VWA1: variants seen among roughly 807,000 people sequenced by gnomAD.
The protein encoded by VWA1 is von Willebrand factor A domain containing 1.
Under a neutral mutation model 14.9 loss-of-function variants are expected in VWA1, and 12 were observed. That is an observed-to-expected ratio of 0.80 (90% CI 0.52 to 1.30). The LOEUF (loss-of-function observed/expected upper bound fraction) is 1.30. Among genes scored for constraint, VWA1 ranks in the 50% most tolerant of loss-of-function variants. The probability of loss-of-function intolerance (pLI) is 0.00; values close to 1 mark genes in which losing one functional copy is unlikely to be tolerated. For synonymous variants in VWA1, 368 were observed against 310.7 expected, an observed-to-expected ratio of 1.18 and a Z score of -1.94; for missense variants, 800 against 649.1, an observed-to-expected ratio of 1.23 and a Z score of -2.53.
Position 1,437,361 on chromosome 1 carries a change from A to G in VWA1, c.508A>G (p.Thr170Ala), listed in dbSNP as rs148816732. The change falls in exon 2 of 3, where the codon ACC becomes GCC. Residue 170 changes from threonine to alanine, a missense_variant. Thr to Ala is a moderately conservative substitution (Grantham distance 58, BLOSUM62 0). Coordinates refer to ENST00000476993, the MANE Select transcript of VWA1 (RefSeq NM_022834.5). The part of the protein sequence containing the change: ...DLGVTVFIVS[T>A]GRGNFLELSA... ...GGGCGTCACCGTGTTCATTGTCAGC[A>G]CCGGCCGAGGCAACTTCCTGGAGCT... is the stretch of plus-strand genomic sequence containing the variant. 16 of 1,612,546 alleles carry G rather than the reference A, an allele frequency of 9.9e-6. No individual in the cohort carries two copies. The highest frequency in any genetic ancestry group is 1.3e-5 in the Non-Finnish European group (15 of 1,179,956).
At position 1,435,825 on chromosome 1, in the gene VWA1, A is replaced by G; in HGVS notation, c.73+4A>G. 8.7e-7 allele frequency: 1 copy of G among 1,144,116 alleles called. No homozygotes were observed. Among genetic ancestry groups the G allele is most frequent in the East Asian group, 6.6e-5 (1 of 15,046 alleles). 70.9% of individuals were successfully genotyped at this position (1,144,116 alleles called of 1,614,324 possible). On this transcript the variant is annotated splice_donor_region_variant and intron_variant, in intron 1 of 2. Transcript: ENST00000476993. ...GCGCGGAGCGGCGCGGAGCGCGGTGAGTGCGGCGGGCGGCCGGGCCGGGGC... is the reference window on the plus strand; with the variant it reads ...GCGCGGAGCGGCGCGGAGCGCGGTGGGTGCGGCGGGCGGCCGGGCCGGGGC...
In VWA1 at chr1:1,437,118, G is replaced by A. The variant is rs768572549; in HGVS notation, c.265G>A (p.Gly89Ser). 27 of 1,605,710 alleles carry A rather than the reference G, an allele frequency of 1.7e-5. No individual in the cohort carries two copies. The highest frequency in any genetic ancestry group is 9.9e-5 in the South Asian group (9 of 90,612). Residue 89 changes from glycine (G) to serine (S), a missense_variant, in exon 2 of 3, where the codon GGC (glycine) becomes AGC (serine). Gly to Ser is a moderately conservative substitution (Grantham distance 56). Coordinates refer to ENST00000476993, the MANE Select transcript of VWA1 (RefSeq NM_022834.5). ...TCGGCCATACACCGAGTTCCCCTTCGGCCAGCACAGCTCGGGTGAGGCTGC... is the reference window on the plus strand; with the variant it reads ...TCGGCCATACACCGAGTTCCCCTTCAGCCAGCACAGCTCGGGTGAGGCTGC... ...GSRPYTEFPF[G>S]QHSSGEAAQD... is the part of the protein sequence containing the mutation.
In VWA1 at chr1:1,440,479, C is replaced by G. The variant is rs373335026; in HGVS notation, c.*692C>G. On this transcript the variant is annotated 3_prime_UTR_variant, in exon 3 of 3. Transcript: ENST00000476993. ...CTATCAGGCCCCGGGACCGCACTGA[C>G]AGGAAACCTTCCGTCGTGAGGGAGC... The G allele has an allele frequency of 6.1e-6, 1 of 164,218 alleles. No homozygotes were observed. Among genetic ancestry groups the G allele is most frequent in the East Asian group, 2.1e-4 (1 of 4,808 alleles). 10.2% of individuals were successfully genotyped at this position (164,218 alleles called of 1,614,324 possible). A position where few individuals can be genotyped will look rare whatever the true frequency, so the allele number is the denominator to read the frequency against.
chr1:1,435,857 T>C, intron 1 of VWA1, 36 bp downstream of exon 1: 1 of 1,104,256 alleles, frequency 9.1e-7, no homozygotes, highest in Non-Finnish European at 1.1e-6. Context: ...GGGCTGGGGC[T>C]TCTGGTGACC....
Position 1,437,087 on chromosome 1 carries a change from G to A in VWA1, c.234G>A (p.Val78=), listed in dbSNP as rs754315291. The part of the protein sequence containing the change: ...TGALRASLVH[V]GSRPYTEFPF... ...CCCTGCGTGCCAGTCTGGTGCACGT[G>A]GGCAGTCGGCCATACACCGAGTTCC... The change falls in exon 2 of 3, where the codon GTG becomes GTA. Residue 78 remains valine (V), a synonymous_variant. Transcript: ENST00000476993. 1.2e-6 allele frequency: 2 copies of A among 1,607,026 alleles called. No homozygotes were observed. Among genetic ancestry groups the A allele is most frequent in the East Asian group, 2.2e-5 (1 of 44,768 alleles).
intron 2 of VWA1, among the ~76,000 whole-genome samples, chr1:1,438,782 G>A (rs1170918886): frequency 6.6e-6 from 1 of 152,186 alleles, no homozygotes; most frequent in Non-Finnish European, 1.5e-5. Flanking sequence ...CTTTGTCCTG[G>A]TCACTGATCT....
At position 1,436,043 on chromosome 1, in the gene VWA1, C is replaced by A. The variant is rs886129868; in HGVS notation, c.73+222C>A. Among the ~76,000 whole-genome samples, 3 of 151,828 alleles carry A rather than the reference C, an allele frequency of 2.0e-5. No homozygotes were observed. The East Asian group carries it at 5.8e-4, about 29-fold the overall frequency. ...GTGAGCGCCGGGGCATAGGGGCCGT[C>A]CCGGCCCGCATCTCTGCGGGATCGC... is the stretch of plus-strand genomic sequence containing the variant. On this transcript the variant is annotated intron_variant, in intron 1 of 2. Transcript: ENST00000476993.
Position 1,442,621 on chromosome 1 carries a change from TGCTG to T in VWA1, c.*2837_*2840del, listed in dbSNP as rs1377104014. 6.6e-6 allele frequency: 1 copy of T among 152,268 alleles called. No individual in the cohort carries two copies. Among genetic ancestry groups the T allele is most frequent in the Non-Finnish European group, 1.5e-5 (1 of 68,076 alleles). The allele number at this position is 152,268 out of a possible 1,614,324, so 9.4% of individuals were successfully genotyped here. A position where few individuals can be genotyped will look rare whatever the true frequency, so the allele number is the denominator to read the frequency against. On this transcript the variant is annotated 3_prime_UTR_variant, in exon 3 of 3. Transcript: ENST00000476993. ...CGAGGCCCTTCGCTGGACAGCCCATTGCTGGCCACTGGACGGAGAGGCAGAGGGG... is the reference window on the plus strand; with the variant it reads ...CGAGGCCCTTCGCTGGACAGCCCATTGCCACTGGACGGAGAGGCAGAGGGG...
At position 1,437,128 on chromosome 1, in the gene VWA1, G is replaced by T. The variant is rs1400028436; in HGVS notation, c.275G>T (p.Ser92Ile). Residue 92 changes from serine (S) to isoleucine (I), a missense_variant, in exon 2 of 3, where the codon AGC becomes ATC. Coordinates refer to ENST00000476993, the MANE Select transcript of VWA1 (RefSeq NM_022834.5). ...PYTEFPFGQH[S>I]SGEAAQDAVR... is the part of the protein sequence containing the mutation. ...ACCGAGTTCCCCTTCGGCCAGCACA[G>T]CTCGGGTGAGGCTGCCCAGGATGCG... The T allele has an allele frequency of 1.2e-6, 2 of 1,606,564 alleles. No homozygotes were observed. Among genetic ancestry groups the T allele is most frequent in the Non-Finnish European group, 1.7e-6 (2 of 1,175,612 alleles).
At position 1,437,105 on chromosome 1, in the gene VWA1, C is replaced by T. The variant is rs759672417; in HGVS notation, c.252C>T (p.Thr84=). The T allele has an allele frequency of 3.9e-5, 62 of 1,604,994 alleles. No homozygotes were observed. Among genetic ancestry groups the T allele is most frequent in the Admixed American group, 1.5e-4 (9 of 59,642 alleles). Reference sequence around the variant, plus strand: ...TGCACGTGGGCAGTCGGCCATACACCGAGTTCCCCTTCGGCCAGCACAGCT... The same window carrying T: ...TGCACGTGGGCAGTCGGCCATACACTGAGTTCCCCTTCGGCCAGCACAGCT... ...SLVHVGSRPY[T]EFPFGQHSSG... Residue 84 remains threonine (T), a synonymous_variant, in exon 2 of 3, where the codon ACC becomes ACT. Coordinates refer to ENST00000476993, the MANE Select transcript of VWA1 (RefSeq NM_022834.5).
In VWA1 at chr1:1,437,190, A is replaced by G. The variant is rs776254856; in HGVS notation, c.337A>G (p.Thr113Ala). 2 of 1,611,820 alleles carry G rather than the reference A, an allele frequency of 1.2e-6. No homozygotes were observed. Among genetic ancestry groups the G allele is most frequent in the Admixed American group, 1.7e-5 (1 of 59,856 alleles). ...TGCCCAGCGCATGGGTGACACCCAC[A>G]CTGGCCTGGCGCTGGTCTATGCCAA... Reference protein sequence around the residue: ...ASAQRMGDTHTGLALVYAKEQ... With the variant: ...ASAQRMGDTHAGLALVYAKEQ... Residue 113 changes from threonine (T) to alanine (A), a missense_variant, in exon 2 of 3, where the codon ACT (threonine) becomes GCT (alanine). Physicochemically the swap from Thr to Ala is moderately conservative, Grantham distance 58. Coordinates refer to ENST00000476993, the MANE Select transcript of VWA1 (RefSeq NM_022834.5).
chr1:1,439,435 C>A lies in VWA1; in HGVS notation c.986C>A (p.Ala329Asp). The A allele has an allele frequency of 7.1e-7, 1 of 1,409,452 alleles. No homozygotes were observed. The highest frequency in any genetic ancestry group is 9.1e-7 in the Non-Finnish European group (1 of 1,094,868). The allele number at this position is 1,409,452 out of a possible 1,614,324, so 87.3% of individuals were successfully genotyped here. The change falls in exon 3 of 3, where the codon GCC becomes GAC. Residue 329 changes from alanine (A) to aspartate (D), a missense_variant. By Grantham distance (126) the Ala-to-Asp change is moderately radical. Transcript: ENST00000476993. ...PAPTQLAALP[A>D]PEEAGPERIV... ...CCCACGCAGCTCGCCGCCCTCCCCG[C>A]CCCAGAGGAGGCCGGGCCAGAGCGC... is the stretch of plus-strand genomic sequence containing the variant.
Position 1,439,584 on chromosome 1 carries a change from G to T in VWA1, c.1135G>T (p.Val379Leu), listed in dbSNP as rs1417303854. ...GCTGCGGGGCGGGGAGGCGCAGCGG[G>T]TGGAGGTGCCCGCGGGCCGCAACTG... ...GPLRGGEAQR[V>L]EVPAGRNCTT... Residue 379 changes from valine (V) to leucine (L), a missense_variant, in exon 3 of 3, where the codon GTG becomes TTG. Transcript: ENST00000476993. 1.5e-6 allele frequency: 2 copies of T among 1,307,056 alleles called. No individual in the cohort carries two copies. The highest frequency in any genetic ancestry group is 1.9e-6 in the Non-Finnish European group (2 of 1,029,328). The allele number at this position is 1,307,056 out of a possible 1,614,324, so 81.0% of individuals were successfully genotyped here. A position where few individuals can be genotyped will look rare whatever the true frequency, so the allele number is the denominator to read the frequency against.
At chr1:1,436,899 G>C (rs768918428) in intron 1 of VWA1, 28 bp from the exon 2 acceptor site, 1 of 1,546,408 alleles carries the variant, frequency 6.5e-7, no homozygotes, top group South Asian at 1.2e-5. Flanking sequence ...GCCCACACCT[G>C]AGGCTGAGCA....
rs1296813680 is a variant in VWA1 at position 1,439,634 on chromosome 1, G to A, written c.1185G>A (p.Pro395=). ...RNCTTLQGLA[P]GTAYLVTVTA... ...GCACCACGCTGCAGGGCCTGGCGCC[G>A]GGCACCGCCTACCTGGTGACCGTGA... Residue 395 remains proline (P), a synonymous_variant, in exon 3 of 3, where the codon CCG becomes CCA. Transcript: ENST00000476993. The A allele has an allele frequency of 3.0e-6, 4 of 1,314,934 alleles. No homozygotes were observed. Among genetic ancestry groups the A allele is most frequent in the South Asian group, 1.5e-5 (1 of 64,856 alleles). 81.5% of individuals were successfully genotyped at this position (1,314,934 alleles called of 1,614,324 possible). A position where few individuals can be genotyped will look rare whatever the true frequency, so the allele number is the denominator to read the frequency against.
Position 1,436,140 on chromosome 1 carries a change from G to A in VWA1, c.73+319G>A, listed in dbSNP as rs1192100362. On this transcript the variant is annotated intron_variant, in intron 1 of 2. Coordinates refer to ENST00000476993, the MANE Select transcript of VWA1 (RefSeq NM_022834.5). ...CCTCAGTTTCCCTACCCTTGCGAGG[G>A]CCCTTAGTGGAGGGATGGTAGGGAA... Among the ~76,000 whole-genome samples, 4 of 152,216 alleles carry A rather than the reference G, an allele frequency of 2.6e-5. No homozygotes were observed. The South Asian group carries it at 6.2e-4, about 24-fold the overall frequency.
In VWA1 at chr1:1,439,932, C is replaced by CTGCGGCCGCA. The variant is rs1638631575; in HGVS notation, c.*146_*155dup. The CTGCGGCCGCA allele has an allele frequency of 3.1e-6, 3 of 961,902 alleles. No individual in the cohort carries two copies. The African/African-American group carries it at 5.3e-5, about 17-fold the overall frequency. 59.6% of individuals were successfully genotyped at this position (961,902 alleles called of 1,614,324 possible). On this transcript the variant is annotated 3_prime_UTR_variant, in exon 3 of 3. Coordinates refer to ENST00000476993, the MANE Select transcript of VWA1 (RefSeq NM_022834.5). ...ACTCCGCGCGACCCCGGCCCTCTCCCTGCGGCCGCAGGGCTTCCCCGCCTG... is the reference window on the plus strand; with the variant it reads ...ACTCCGCGCGACCCCGGCCCTCTCCCTGCGGCCGCATGCGGCCGCAGGGCTTCCCCGCCTG...
rs535547422 is a variant in VWA1 at position 1,438,643 on chromosome 1, C to A, written c.632-438C>A. 1.9e-3 allele frequency among the ~76,000 whole-genome samples: 290 copies of A among 152,266 alleles called. 1 individual carries two copies. Among genetic ancestry groups the A allele is most frequent in the Non-Finnish European group, 4.6e-4 (31 of 68,012 alleles). On this transcript the variant is annotated intron_variant, in intron 2 of 2. Coordinates refer to ENST00000476993, the MANE Select transcript of VWA1 (RefSeq NM_022834.5). ...CGCCTCCAGAACCCCAGGGCCTGCC[C>A]CTGTGGTCTCCCATCTCCTAGCTGC...
chr1:1,442,697 C>T lies in VWA1; in HGVS notation c.*2910C>T, dbSNP rs951732017. Reference sequence around the variant, plus strand: ...TCTGTGAGCGATGACGGAGCAACAGCTCTCCAGCACGTGAAGCTCTCCAGA... The same window carrying T: ...TCTGTGAGCGATGACGGAGCAACAGTTCTCCAGCACGTGAAGCTCTCCAGA... On this transcript the variant is annotated 3_prime_UTR_variant, in exon 3 of 3. Transcript: ENST00000476993. 1 of 152,292 alleles carries T rather than the reference C, an allele frequency of 6.6e-6. No homozygotes were observed. The highest frequency in any genetic ancestry group is 2.4e-5 in the African/African-American group (1 of 41,472). The allele number at this position is 152,292 out of a possible 1,614,324, so 9.4% of individuals were successfully genotyped here.
Sources: gnomAD v4.1 joint callset for allele counts (sites outside exome capture counted in the v4.1 genomes callset) on GRCh38, gnomAD v4.1.1 for gene constraint, MANE v1.5 for transcripts, NCBI Gene and HGNC (gene_info 2026-07-23, HGNC 2026-07-21) for gene names.